The following PDE4D variants were observed in gnomAD, a reference collection of about 807,000 sequenced individuals.
PDE4D encodes phosphodiesterase 4D.
PDE4D carries 24 observed loss-of-function variants against 87.4 expected under a neutral mutation model. The ratio of observed to expected loss-of-function variants is 0.27; its 90% CI spans 0.20 to 0.39. The LOEUF (loss-of-function observed/expected upper bound fraction) is 0.39. Ranked by LOEUF, PDE4D falls within the 10% of genes least tolerant of loss-of-function variation. The pLI is 1.00. For synonymous variants in PDE4D, 384 were observed against 383.2 expected, an observed-to-expected ratio of 1.00 and a Z score of -0.02; for missense variants, 714 against 1,041.0, an observed-to-expected ratio of 0.69 and a Z score of 4.32.
At chr5:60,215,016 G>A (rs966577765) in intron 1 of PDE4D, among the ~76,000 whole-genome samples, 1 of 152,038 alleles carries the variant, frequency 6.6e-6, no homozygotes, top group African/African-American at 2.4e-5. Flanking sequence ...CTGATGCAAC[G>A]TTGCTACCAA....
At chr5:59,210,550 G>A (rs1456236207) in intron 2 of PDE4D, among the ~76,000 whole-genome samples, 1 of 152,198 alleles carries the variant, frequency 6.6e-6, no homozygotes, top group African/African-American at 2.4e-5. Flanking sequence ...GCACCCCGAA[G>A]GCCTGATCAG....
chr5:60,107,739 C>G (rs1054552421), intron 2 of PDE4D, among the ~76,000 whole-genome samples: 7 of 152,168 alleles, frequency 4.6e-5, no homozygotes, highest in African/African-American at 1.7e-4. Context: ...AGCATATAAA[C>G]AGAACCGAAG....
At chr5:59,562,962 C>T (rs1260459561) in intron 1 of PDE4D, among the ~76,000 whole-genome samples, 1 of 152,150 alleles carries the variant, frequency 6.6e-6, no homozygotes. Context: ...AGCCCAGAGG[C>T]TCTGTCTCAC....
intron 1 of PDE4D, among the ~76,000 whole-genome samples, chr5:59,846,854 G>T (rs1258096526): frequency 6.6e-6 from 1 of 151,922 alleles, no homozygotes; most frequent in Non-Finnish European, 1.5e-5. Flanking sequence ...TGCCAGATTT[G>T]CTGTTTTCTA....
At chr5:60,067,810 A>G (rs557446945) in intron 2 of PDE4D, among the ~76,000 whole-genome samples, 1 of 152,284 alleles carries the variant, frequency 6.6e-6, no homozygotes, top group Admixed American at 6.5e-5. Context: ...TATAAGTGGA[A>G]TCATGCAATA....
intron 2 of PDE4D, among the ~76,000 whole-genome samples, chr5:60,105,353 G>C (rs1776764791): frequency 6.6e-6 from 1 of 152,260 alleles, no homozygotes; most frequent in African/African-American, 2.4e-5. Context: ...CAAGAAATAT[G>C]GGACTATGTG....
At chr5:59,356,629 C>A in intron 1 of PDE4D, 1 of 704,758 alleles carries the variant, frequency 1.4e-6, no homozygotes, top group African/African-American at 1.9e-5. Context: ...CTTCTTGGCT[C>A]TTATTTAATA....
chr5:59,081,291 G>A (rs1488492933), intron 5 of PDE4D, among the ~76,000 whole-genome samples: 1 of 151,834 alleles, frequency 6.6e-6, no homozygotes, highest in East Asian at 1.9e-4. Context: ...ACTAGAATTC[G>A]GTTACTGCCG....
At chr5:59,753,794 A>C (rs536816050) in intron 1 of PDE4D, among the ~76,000 whole-genome samples, 1 of 152,342 alleles carries the variant, frequency 6.6e-6, no homozygotes, top group South Asian at 2.1e-4. Context: ...GCCATGACTA[A>C]TACTGTGCAT....
intron 2 of PDE4D, among the ~76,000 whole-genome samples, chr5:60,145,951 C>T (rs566429328): frequency 3.9e-4 from 59 of 152,258 alleles, no homozygotes; most frequent in South Asian, 2.1e-3. Flanking sequence ...TGGTGGCGCA[C>T]GCCTGTAATC....
chr5:60,376,309 A>C (rs1238289207), intron 1 of PDE4D, among the ~76,000 whole-genome samples: 1 of 152,164 alleles, frequency 6.6e-6, no homozygotes. Flanking sequence ...TAACAGAAGC[A>C]AAAAACAAAG....
chr5:59,128,202 C>T (rs544421775), intron 5 of PDE4D, among the ~76,000 whole-genome samples: 21 of 152,188 alleles, frequency 1.4e-4, no homozygotes, highest in African/African-American at 4.8e-4. Context: ...CTCTCTGGAT[C>T]AGAACCAGCG....
At chr5:60,005,056 T>C (rs1009184442) in intron 2 of PDE4D, among the ~76,000 whole-genome samples, 6 of 152,144 alleles carry the variant, frequency 3.9e-5, no homozygotes, top group African/African-American at 1.4e-4. Context: ...CCAACCTAAG[T>C]GTCCATTGAC....
intron 1 of PDE4D, among the ~76,000 whole-genome samples, chr5:59,423,753 G>A (rs1018520322): frequency 6.6e-5 from 10 of 151,478 alleles, no homozygotes; most frequent in African/African-American, 2.4e-4. Flanking sequence ...TGGGTGACAA[G>A]GGCAATTTAC....
At chr5:59,571,284 T>C (rs1366258213) in intron 1 of PDE4D, among the ~76,000 whole-genome samples, 1 of 152,212 alleles carries the variant, frequency 6.6e-6, no homozygotes, top group African/African-American at 2.4e-5. Context: ...CTCAGCAGTT[T>C]TGGAGCACTT....
At chr5:58,990,229 C>G (rs553090967) in intron 9 of PDE4D, among the ~76,000 whole-genome samples, 93 of 152,264 alleles carry the variant, frequency 6.1e-4, no homozygotes, top group Non-Finnish European at 5.3e-4. Context: ...TCCAGTCAAG[C>G]ACTATTAACT....
At chr5:60,110,961 G>C (rs1167785306) in intron 2 of PDE4D, among the ~76,000 whole-genome samples, 1 of 151,974 alleles carries the variant, frequency 6.6e-6, no homozygotes, top group Non-Finnish European at 1.5e-5. Context: ...AAAAAATTCA[G>C]CTCATGGTAG....
At chr5:59,808,402 T>C (rs1171536547) in intron 1 of PDE4D, among the ~76,000 whole-genome samples, 2 of 152,230 alleles carry the variant, frequency 1.3e-5, no homozygotes, top group African/African-American at 4.8e-5. Flanking sequence ...GCCCACCATT[T>C]TGGTTTTAAC....
chr5:60,062,928 C>T (rs373736958), intron 2 of PDE4D, among the ~76,000 whole-genome samples: 10 of 151,698 alleles, frequency 6.6e-5, no homozygotes, highest in South Asian at 6.3e-4. Flanking sequence ...CATGGGGGCA[C>T]GAGGGGAGGG....
Sources: allele counts gnomAD v4.1 joint callset (sites outside exome capture counted in the v4.1 genomes callset), GRCh38; gene constraint gnomAD v4.1.1; transcripts MANE v1.5; gene names NCBI Gene and HGNC (gene_info 2026-07-23, HGNC 2026-07-21).